The following MGAT4C variants were observed in gnomAD, a reference collection of about 807,000 sequenced individuals.
MGAT4C encodes the protein MGAT4 family member C, also known as alpha-1,3-mannosyl-glycoprotein 4-beta-N-acetylglucosaminyltransferase C.
Under a neutral mutation model 40.1 loss-of-function variants are expected in MGAT4C, and 19 were observed. The ratio of observed to expected loss-of-function variants is 0.47; its 90% CI spans 0.33 to 0.70. MGAT4C has a LOEUF of 0.70. Among genes scored for constraint, MGAT4C ranks in the 30% least tolerant of loss-of-function variants. The pLI, the probability that MGAT4C is intolerant of heterozygous loss-of-function variation, is 0.02. For synonymous variants in MGAT4C, 181 were observed against 187.1 expected (o/e 0.97, Z 0.27); for missense variants, 491 against 563.2 (o/e 0.87, Z 1.30).
intron 1 of MGAT4C, among the ~76,000 whole-genome samples, chr12:86,084,240 G>T (rs151093465): frequency 1.3e-5 from 2 of 152,126 alleles, no homozygotes; most frequent in East Asian, 3.9e-4. Context: ...TTTGGGCAAG[G>T]GTTTAGAACC....
At chr12:86,502,767 ATGT>A (rs1958376810) in intron 2 of MGAT4C, among the ~76,000 whole-genome samples, 1 of 37,710 alleles carries the variant, frequency 2.7e-5, no homozygotes, top group African/African-American at 9.0e-5. Flanking sequence ...GCTCATATAT[ATGT>A]ATACACGAGT....
In MGAT4C at chr12:86,221,999, TTAAA is replaced by T. The variant is rs1950897815; in HGVS notation, c.-57+34236_-57+34239del. Among the ~76,000 whole-genome samples the T allele has an allele frequency of 2.0e-5, 3 of 152,356 alleles. No homozygotes were observed. In the South Asian group the frequency reaches 6.2e-4, roughly 32 times the overall value. ...GTTCATTAGAGAATTATTCAGGATC[TTAAA>T]TAATTGTTGACTGTAGTGGTGTTGT... is the stretch of plus-strand genomic sequence containing the variant. On this transcript the variant is annotated intron_variant, in intron 1 of 4. Transcript: ENST00000611864.
intron 1 of MGAT4C, among the ~76,000 whole-genome samples, chr12:86,733,423 C>A (rs1329542011): frequency 1.3e-5 from 2 of 151,230 alleles, no homozygotes; most frequent in African/African-American, 4.9e-5. Flanking sequence ...ACAAGAAGAG[C>A]AAAACAAACA....
At chr12:85,996,658 A>C (rs1886656729) in intron 2 of MGAT4C, among the ~76,000 whole-genome samples, 1 of 152,198 alleles carries the variant, frequency 6.6e-6, no homozygotes, top group Non-Finnish European at 1.5e-5. Context: ...TATAATACAA[A>C]GCAAACATTT....
intron 2 of MGAT4C, among the ~76,000 whole-genome samples, chr12:86,565,675 A>G (rs561527441): frequency 6.6e-6 from 1 of 152,308 alleles, no homozygotes; most frequent in East Asian, 1.9e-4. Context: ...AAATTTGGGG[A>G]AGAGGGATGT....
intron 1 of MGAT4C, among the ~76,000 whole-genome samples, chr12:86,142,153 T>C (rs1410786599): frequency 6.6e-6 from 1 of 152,172 alleles, no homozygotes; most frequent in East Asian, 1.9e-4. Context: ...AACTGAGCAT[T>C]GAAATTCAGG....
intron 3 of MGAT4C, among the ~76,000 whole-genome samples, chr12:86,420,876 T>A (rs1486791195): frequency 6.8e-6 from 1 of 146,606 alleles, no homozygotes; most frequent in Non-Finnish European, 1.5e-5. Flanking sequence ...TATATATACA[T>A]ACATGTATAT....
chr12:85,981,450 C>T (rs1256744743), intron 4 of MGAT4C, among the ~76,000 whole-genome samples: 1 of 152,068 alleles, frequency 6.6e-6, no homozygotes, highest in Non-Finnish European at 1.5e-5. Flanking sequence ...AAGCCCCATT[C>T]CAAAAACAGT....
intron 4 of MGAT4C, among the ~76,000 whole-genome samples, chr12:86,313,216 T>C (rs1344460520): frequency 6.6e-6 from 1 of 152,202 alleles, no homozygotes; most frequent in Non-Finnish European, 1.5e-5. Flanking sequence ...AAATAAGCCA[T>C]AATTTTTATC....
intron 1 of MGAT4C, among the ~76,000 whole-genome samples, chr12:86,769,275 C>T (rs553926582): frequency 0.02 from 3,007 of 152,128 alleles, 91 homozygotes; most frequent in African/African-American, 0.068. Context: ...AAATGCTCAC[C>T]ATCACTGGCC....
intron 1 of MGAT4C, among the ~76,000 whole-genome samples, chr12:86,102,056 A>G (rs181333262): frequency 6.6e-6 from 1 of 152,106 alleles, no homozygotes; most frequent in African/African-American, 2.4e-5. Flanking sequence ...GAGAAATAAA[A>G]TAAATTATAA....
chr12:86,475,564 G>C (rs1310240756), intron 2 of MGAT4C, among the ~76,000 whole-genome samples: 1 of 151,828 alleles, frequency 6.6e-6, no homozygotes, highest in East Asian at 1.9e-4. Flanking sequence ...TTATGACACA[G>C]AATCTATATG....
intron 2 of MGAT4C, among the ~76,000 whole-genome samples, chr12:86,021,235 T>TG (rs1889698561): frequency 6.6e-6 from 1 of 152,168 alleles, no homozygotes; most frequent in Non-Finnish European, 1.5e-5. Context: ...ATCTCATTAC[T>TG]GGGTATATAC....
At chr12:86,558,133 C>T (rs1959696987) in intron 2 of MGAT4C, among the ~76,000 whole-genome samples, 1 of 151,872 alleles carries the variant, frequency 6.6e-6, no homozygotes, top group Non-Finnish European at 1.5e-5. Flanking sequence ...AAATTCTGAA[C>T]TTGAAAAGTT....
chr12:86,571,676 A>G (rs2136422673), intron 2 of MGAT4C, among the ~76,000 whole-genome samples: 1 of 152,208 alleles, frequency 6.6e-6, no homozygotes, highest in East Asian at 1.9e-4. Flanking sequence ...CATGCATTGT[A>G]TAGATTATAA....
chr12:86,307,288 A>G (rs1379234250), intron 4 of MGAT4C, among the ~76,000 whole-genome samples: 1 of 150,718 alleles, frequency 6.6e-6, no homozygotes, highest in Non-Finnish European at 1.5e-5. Context: ...ATACTTATTA[A>G]CTAGCAGCAT....
intron 4 of MGAT4C, among the ~76,000 whole-genome samples, chr12:86,305,668 G>A (rs1354267854): frequency 6.7e-6 from 1 of 150,054 alleles, no homozygotes; most frequent in East Asian, 2.0e-4. Flanking sequence ...ATGTTAAGTG[G>A]TGCAGTACTT....
chr12:86,277,803 T>C (rs1271740659), intron 4 of MGAT4C, among the ~76,000 whole-genome samples: 1 of 152,198 alleles, frequency 6.6e-6, no homozygotes, highest in Non-Finnish European at 1.5e-5. Flanking sequence ...TATAGTTATT[T>C]AGTATAATTT....
chr12:86,464,779 A>C (rs940069555), intron 2 of MGAT4C, among the ~76,000 whole-genome samples: 13 of 152,170 alleles, frequency 8.5e-5, no homozygotes, highest in Admixed American at 5.2e-4. Context: ...ATATTTCTAT[A>C]TTAACTATGA....
Sources: allele counts gnomAD v4.1 joint callset (sites outside exome capture counted in the v4.1 genomes callset), GRCh38; gene constraint gnomAD v4.1.1; transcripts MANE v1.5; gene names NCBI Gene and HGNC (gene_info 2026-07-23, HGNC 2026-07-21).